Variants in CDH13 observed in about 807,000 individuals in gnomAD.
CDH13 encodes cadherin-13.
Under a neutral mutation model 63.8 loss-of-function variants are expected in CDH13, and 24 were observed. That is an observed-to-expected ratio of 0.38 (90% CI 0.27 to 0.53). CDH13 has a LOEUF of 0.53. Among genes scored for constraint, CDH13 ranks in the 20% least tolerant of loss-of-function variants. CDH13 has a pLI of 0.85. For synonymous variants in CDH13, 503 were observed against 355.3 expected, an observed-to-expected ratio of 1.42 and a Z score of -4.67; for missense variants, 1,049 against 903.1, an observed-to-expected ratio of 1.16 and a Z score of -2.07.
intron 5 of CDH13, among the ~76,000 whole-genome samples, chr16:83,318,437 T>C (rs910114922): frequency 6.6e-6 from 1 of 152,234 alleles, no homozygotes; most frequent in Non-Finnish European, 1.5e-5. Context: ...CTAAAAGCAA[T>C]GAACCAGGGA....
intron 6 of CDH13, among the ~76,000 whole-genome samples, chr16:83,379,543 C>A (rs1048968840): frequency 6.6e-5 from 10 of 152,180 alleles, no homozygotes; most frequent in African/African-American, 2.4e-4. Flanking sequence ...TTTGATCACT[C>A]AGCCCACGTT....
chr16:83,437,430 C>G (rs533627830), intron 6 of CDH13, among the ~76,000 whole-genome samples: 2 of 152,216 alleles, frequency 1.3e-5, no homozygotes, highest in African/African-American at 4.8e-5. Context: ...AATCTCAGCG[C>G]TTTGAGAGGT....
At chr16:83,063,111 G>A (rs1461532519) in intron 3 of CDH13, among the ~76,000 whole-genome samples, 3 of 152,066 alleles carry the variant, frequency 2.0e-5, no homozygotes, top group Admixed American at 6.6e-5. Flanking sequence ...ACAGGCACGT[G>A]CCAGCACGTC....
chr16:83,190,934 C>T (rs1028892215), intron 4 of CDH13, among the ~76,000 whole-genome samples: 10 of 151,876 alleles, frequency 6.6e-5, no homozygotes, highest in South Asian at 2.1e-4. Flanking sequence ...ACGACTCTCC[C>T]GACCATTTCT....
chr16:83,268,782 A>T (rs1283744334), intron 5 of CDH13, among the ~76,000 whole-genome samples: 1 of 152,250 alleles, frequency 6.6e-6, no homozygotes. Context: ...GGGTATAACC[A>T]CTTGAAGCTG....
intron 6 of CDH13, among the ~76,000 whole-genome samples, chr16:83,415,568 G>A (rs183941215): frequency 1.3e-5 from 2 of 152,270 alleles, no homozygotes; most frequent in African/African-American, 4.8e-5. Flanking sequence ...CACAGGTCAT[G>A]ATCAAGTGTG....
chr16:82,860,472 G>A (rs1281032324), intron 2 of CDH13, among the ~76,000 whole-genome samples: 4 of 150,592 alleles, frequency 2.7e-5, no homozygotes, highest in Admixed American at 2.7e-4. Context: ...GGGTAAGCTA[G>A]TAAATGCTAA....
intron 1 of CDH13, among the ~76,000 whole-genome samples, chr16:82,795,751 G>C (rs2036549816): frequency 6.6e-6 from 1 of 152,028 alleles, no homozygotes; most frequent in African/African-American, 2.4e-5. Flanking sequence ...CGTCCACCAG[G>C]AAGAAAACAA....
chr16:82,776,050 A>G (rs1191006983), intron 1 of CDH13, among the ~76,000 whole-genome samples: 1 of 152,162 alleles, frequency 6.6e-6, no homozygotes, highest in Admixed American at 6.5e-5. Context: ...TCTCTCCTAA[A>G]AATACAAAAA....
At chr16:82,716,397 A>G (rs1208243791) in intron 1 of CDH13, among the ~76,000 whole-genome samples, 2 of 151,992 alleles carry the variant, frequency 1.3e-5, no homozygotes, top group Non-Finnish European at 2.9e-5. Context: ...TCAGGTTCTG[A>G]CGGATTCATC....
rs557492854 is a variant in CDH13, at chr16:83,551,932, A to G, written c.961-50522A>G. Reference sequence around the variant, plus strand: ...GATGGATGAATGGATGGATGGATGGATGGGTAGATAAGTGGATAGGTGGAT... The same window carrying G: ...GATGGATGAATGGATGGATGGATGGGTGGGTAGATAAGTGGATAGGTGGAT... On this transcript the variant is annotated intron_variant, in intron 7 of 13. Transcript: ENST00000567109. 2.0e-5 allele frequency among the ~76,000 whole-genome samples: 3 copies of G among 152,286 alleles called. No individual in the cohort carries two copies. In the South Asian group the frequency reaches 6.2e-4, roughly 32 times the overall value.
chr16:83,088,341 C>T (rs1393110499), intron 3 of CDH13, among the ~76,000 whole-genome samples: 1 of 152,172 alleles, frequency 6.6e-6, no homozygotes, highest in Non-Finnish European at 1.5e-5. Context: ...TCAGGGTTGT[C>T]ACCAAAACAA....
chr16:83,670,683 ATTTATT>A, intron 8 of CDH13, 101 bp from the exon 9 acceptor site: 2 of 971,336 alleles, frequency 2.1e-6, no homozygotes, highest in South Asian at 3.0e-5. Flanking sequence ...TTATGTTATT[ATTTATT>A]TTTAAGTGAG....
At chr16:83,554,290 G>A (rs750851205) in intron 7 of CDH13, among the ~76,000 whole-genome samples, 56 of 151,932 alleles carry the variant, frequency 3.7e-4, no homozygotes, top group Non-Finnish European at 7.4e-5. Flanking sequence ...GATCCCTGGA[G>A]ACAGGAATAT....
At chr16:83,323,150 CTTCT>C (rs1186380076) in intron 5 of CDH13, among the ~76,000 whole-genome samples, 41 of 86,116 alleles carry the variant, frequency 4.8e-4, no homozygotes, top group Middle Eastern at 6.4e-3. Flanking sequence ...GACCTCCCTA[CTTCT>C]TTCTTTCTTT....
At chr16:82,843,358 A>T (rs2039114087) in intron 1 of CDH13, among the ~76,000 whole-genome samples, 1 of 152,226 alleles carries the variant, frequency 6.6e-6, no homozygotes, top group Admixed American at 6.5e-5. Flanking sequence ...CTTTTAATTC[A>T]GGATGGTCAA....
At chr16:83,424,644 A>G (rs900871018) in intron 6 of CDH13, among the ~76,000 whole-genome samples, 13 of 152,242 alleles carry the variant, frequency 8.5e-5, no homozygotes, top group Non-Finnish European at 1.6e-4. Flanking sequence ...AAGAAATTAC[A>G]CATTTTCATA....
At chr16:83,658,674 G>T (rs1467962490) in intron 8 of CDH13, among the ~76,000 whole-genome samples, 2 of 150,008 alleles carry the variant, frequency 1.3e-5, no homozygotes, top group Non-Finnish European at 3.0e-5. Flanking sequence ...CACCAGCAAG[G>T]TCCCATATCC....
intron 4 of CDH13, among the ~76,000 whole-genome samples, chr16:83,215,666 G>A (rs1031009539): frequency 6.6e-6 from 1 of 151,818 alleles, no homozygotes; most frequent in Non-Finnish European, 1.5e-5. Context: ...CAGGGGGCGG[G>A]CAGGACCCAT....
Sources: gnomAD v4.1 joint callset for allele counts (sites outside exome capture counted in the v4.1 genomes callset) on GRCh38, gnomAD v4.1.1 for gene constraint, MANE v1.5 for transcripts, NCBI Gene and HGNC (gene_info 2026-07-23, HGNC 2026-07-21) for gene names.